KIF23: variants seen among roughly 807,000 people sequenced by gnomAD.
The protein encoded by KIF23 is kinesin-like protein KIF23.
Under a neutral mutation model 137.5 loss-of-function variants are expected in KIF23, and 30 were observed. That is an observed-to-expected ratio of 0.22 (90% CI 0.16 to 0.30). KIF23 has a LOEUF of 0.30. Ranked by LOEUF, KIF23 falls within the 10% of genes least tolerant of loss-of-function variation. The pLI, the probability that KIF23 is intolerant of heterozygous loss-of-function variation, is 1.00. For synonymous variants in KIF23, 367 were observed against 391.1 expected (o/e 0.94, Z 0.73); for missense variants, 920 against 1,194.3 (o/e 0.77, Z 3.38).
intron 21 of KIF23, 43 bp from the exon 22 acceptor site, chr15:69,446,240 T>A: frequency 6.4e-7 from 1 of 1,567,230 alleles, no homozygotes; most frequent in Non-Finnish European, 8.8e-7. Context: ...TTCCTCTTCT[T>A]AGATGGAAAA....
intron 4 of KIF23, 102 bp downstream of exon 4, chr15:69,421,854 C>T (rs1203492313): frequency 1.8e-5 from 23 of 1,283,480 alleles, no homozygotes; most frequent in Admixed American, 2.1e-5. Context: ...GGTGTTGAAT[C>T]CATATTTAAT....
chr15:69,436,912 G>A (rs574420033), intron 15 of KIF23, among the ~76,000 whole-genome samples, 190 bp downstream of exon 15: 66 of 152,076 alleles, frequency 4.3e-4, no homozygotes, highest in Middle Eastern at 6.8e-3. Context: ...ATGCCACCAC[G>A]CCTGGCTAAT....
At chr15:69,431,344 T>C (rs2057350604) in intron 11 of KIF23, among the ~76,000 whole-genome samples, 1 of 152,244 alleles carries the variant, frequency 6.6e-6, no homozygotes, top group Admixed American at 6.5e-5. Context: ...CTGGATGCAG[T>C]GGCTCACGCC....
In KIF23 at chr15:69,448,087, T is replaced by C. The variant is rs1596033376; in HGVS notation, c.*280T>C. 4.0e-6 allele frequency: 1 copy of C among 251,252 alleles called. No individual in the cohort carries two copies. Among genetic ancestry groups the C allele is most frequent in the East Asian group, 7.0e-5 (1 of 14,326 alleles). 15.6% of individuals were successfully genotyped at this position (251,252 alleles called of 1,614,324 possible). A position where few individuals can be genotyped will look rare whatever the true frequency, so the allele number is the denominator to read the frequency against. ...TCACTGTATGAATTTTTTATAATGT[T>C]TTTTTAAAATATATTTCATGTATAC... On this transcript the variant is annotated 3_prime_UTR_variant, in exon 24 of 24. Transcript: ENST00000679126.
rs10538305 is a variant in KIF23, at chr15:69,443,326, GTTTTTTTTTTTTTTTTT to G, written c.2422-1450_2422-1434del. Reference sequence around the variant, plus strand: ...ATTTGCTTTCAGTTTTGTTTTTTGGGTTTTTTTTTTTTTTTTTTTTTTTTTTTTTTGAGATGAGGTCT... The same window carrying G: ...ATTTGCTTTCAGTTTTGTTTTTTGGGTTTTTTTTTTTTTGAGATGAGGTCT... On this transcript the variant is annotated intron_variant, in intron 19 of 23. Transcript: ENST00000679126. Among the ~76,000 whole-genome samples the G allele has an allele frequency of 8.6e-3, 506 of 58,674 alleles. 4 individuals carry two copies. Among genetic ancestry groups the G allele is most frequent in the Non-Finnish European group, 0.013 (418 of 31,754 alleles). 38.5% of individuals were successfully genotyped at this position (58,674 alleles called of 152,430 possible).
intron 3 of KIF23, 88 bp downstream of exon 3, chr15:69,417,599 G>A: frequency 3.6e-6 from 5 of 1,389,906 alleles, no homozygotes; most frequent in Non-Finnish European, 4.9e-6. Flanking sequence ...AAGTTCATTT[G>A]TGAGCCCACA....
At chr15:69,427,582 T>TA in intron 10 of KIF23, 1 of 396,440 alleles carries the variant, frequency 2.5e-6, no homozygotes, top group South Asian at 1.9e-5. Context: ...TGGCTAGTGT[T>TA]ATAAGTTGTT....
chr15:69,436,698 A>G lies in KIF23; in HGVS notation c.1573A>G (p.Met525Val). 6.3e-7 allele frequency: 1 copy of G among 1,591,076 alleles called. No homozygotes were observed. The highest frequency in any genetic ancestry group is 8.6e-7 in the Non-Finnish European group (1 of 1,166,540). ...GAAACGACATAACTTACGACAAATG[A>G]TGATTGATGAGTTTAACAAACAATG... ...LEKRHNLRQM[M>V]IDEFNKQSNA... is the part of the protein sequence containing the mutation. Residue 525 changes from methionine (M) to valine (V), a missense_variant, in exon 15 of 24, where the codon ATG (methionine) becomes GTG (valine). Coordinates refer to ENST00000679126, the MANE Select transcript of KIF23 (RefSeq NM_001367805.3).
intron 11 of KIF23, chr15:69,434,760 G>T: frequency 8.5e-7 from 1 of 1,174,586 alleles, no homozygotes; most frequent in South Asian, 1.3e-5. Flanking sequence ...TGGGCAGGAG[G>T]CCATAAAGCT....
chr15:69,426,626 C>T, intron 10 of KIF23, 169 bp downstream of exon 10: 1 of 658,022 alleles, frequency 1.5e-6, no homozygotes, highest in East Asian at 2.8e-5. Flanking sequence ...GTACCTGAGG[C>T]AGGAGGATCG....
At chr15:69,429,882 C>T (rs987673801) in intron 11 of KIF23, among the ~76,000 whole-genome samples, 7 of 151,920 alleles carry the variant, frequency 4.6e-5, no homozygotes, top group Non-Finnish European at 8.8e-5. Context: ...ATTAGCTGGG[C>T]GTGGTGCGTC....
intron 16 of KIF23, among the ~76,000 whole-genome samples, chr15:69,438,766 A>C (rs892838561): frequency 2.6e-5 from 4 of 151,016 alleles, no homozygotes; most frequent in Non-Finnish European, 5.9e-5. Flanking sequence ...GAGCCACTGC[A>C]CTCCAGCCTG....
At chr15:69,424,958 G>A (rs2057152654) in intron 7 of KIF23, among the ~76,000 whole-genome samples, 1 of 152,166 alleles carries the variant, frequency 6.6e-6, no homozygotes, top group South Asian at 2.1e-4. Flanking sequence ...ATTTTCAAAG[G>A]ATCATATCTT....
At chr15:69,427,449 G>C (rs761677703) in intron 10 of KIF23, 22 of 455,870 alleles carry the variant, frequency 4.8e-5, no homozygotes, top group South Asian at 3.4e-4. Context: ...AATCCCTTTG[G>C]TAGAAGTGAT....
At chr15:69,425,739 C>G (rs1162702193) in intron 8 of KIF23, 1 of 176,434 alleles carries the variant, frequency 5.7e-6, no homozygotes, top group Non-Finnish European at 1.2e-5. Context: ...TTAACCTGTG[C>G]ATGTGATGTT....
intron 11 of KIF23, chr15:69,435,126 A>G (rs1325139804): frequency 1.5e-5 from 7 of 468,334 alleles, no homozygotes; most frequent in Admixed American, 3.7e-5. Flanking sequence ...ATTCCTGTCA[A>G]TTGCCTAGAG....
intron 10 of KIF23, among the ~76,000 whole-genome samples, chr15:69,427,044 G>A (rs1595992011): frequency 6.6e-6 from 1 of 151,872 alleles, no homozygotes; most frequent in East Asian, 1.9e-4. Flanking sequence ...TGCTTTGGGA[G>A]GCCAAGGCAG....
In KIF23 at chr15:69,444,842, G is replaced by A. The variant is rs759410763; in HGVS notation, c.2474G>A (p.Arg825Gln). Residue 825 changes from arginine to glutamine, a missense_variant, in exon 20 of 24, where the codon CGA (arginine) becomes CAA (glutamine). This residue lies in a region of KIF23 where 714 missense variants were observed against 866.2 expected (regional missense o/e 0.82). Coordinates refer to ENST00000679126, the MANE Select transcript of KIF23 (RefSeq NM_001367805.3). This position sits in a 1 kb window ranked among gnomAD's most constrained non-coding sequence, Gnocchi z 4.2. ...NAPPIRLRHR[R>Q]SRSAGDRWVD... ...CCACCAATTCGTCTCCGACACAGAC[G>A]ATCACGCTCTGCAGGAGACAGATGG... The A allele has an allele frequency of 1.9e-6, 3 of 1,613,970 alleles. No homozygotes were observed. Among genetic ancestry groups the A allele is most frequent in the Admixed American group, 1.7e-5 (1 of 59,994 alleles).
intron 16 of KIF23, among the ~76,000 whole-genome samples, chr15:69,439,318 T>A (rs1218657094): frequency 1.3e-5 from 2 of 152,172 alleles, no homozygotes; most frequent in Non-Finnish European, 2.9e-5. Flanking sequence ...GTATGCTTTT[T>A]TTTTTTAATG....
Sources: allele counts gnomAD v4.1 joint callset (sites outside exome capture counted in the v4.1 genomes callset), GRCh38; gene constraint gnomAD v4.1.1; regional missense constraint gnomAD v4.1.1; non-coding constraint Gnocchi (gnomAD v3.1); transcripts MANE v1.5; gene names NCBI Gene and HGNC (gene_info 2026-07-23, HGNC 2026-07-21).